The following SPMAP2L variants were observed in gnomAD, a reference collection of about 807,000 sequenced individuals.
SPMAP2L encodes the protein sperm microtubule associated protein 2 like.
the SPMAP2L span, among the ~76,000 whole-genome samples, chr4:56,555,092 A>C: frequency 4.6e-5 from 7 of 152,168 alleles, no homozygotes; most frequent in South Asian, 1.5e-3. Flanking sequence ...GGCAGGCACC[A>C]CCACGCCTGG....
the SPMAP2L span, among the ~76,000 whole-genome samples, chr4:56,540,438 G>C: frequency 6.6e-6 from 1 of 152,162 alleles, no homozygotes; most frequent in African/African-American, 2.4e-5. Context: ...AGCTACTCAG[G>C]AGGCTGAGGC....
chr4:56,574,841 G>T, the SPMAP2L span, among the ~76,000 whole-genome samples: 2 of 152,028 alleles, frequency 1.3e-5, no homozygotes, highest in African/African-American at 2.4e-5. Flanking sequence ...AAGTTGCTGG[G>T]CATAGAGGCA....
the SPMAP2L span, among the ~76,000 whole-genome samples, chr4:56,541,858 C>T: frequency 6.6e-6 from 1 of 152,020 alleles, no homozygotes; most frequent in Non-Finnish European, 1.5e-5. Flanking sequence ...CTAGGTTGCC[C>T]AGGCTGGTCT....
At chr4:56,618,856 A>G in the SPMAP2L span, among the ~76,000 whole-genome samples, 1 of 152,170 alleles carries the variant, frequency 6.6e-6, no homozygotes, top group South Asian at 2.1e-4. Context: ...AAATTGAATC[A>G]TTTGATGATA....
At chr4:56,545,881 C>T in the SPMAP2L span, among the ~76,000 whole-genome samples, 2 of 152,118 alleles carry the variant, frequency 1.3e-5, no homozygotes, top group African/African-American at 4.8e-5. Context: ...CAACTTCTGC[C>T]TCCTGGGTTC....
chr4:56,595,094 T>C, the SPMAP2L span: 1 of 1,611,186 alleles, frequency 6.2e-7, no homozygotes, highest in East Asian at 2.2e-5. Context: ...ATCTTGCCCA[T>C]TTCCTGGGCT....
chr4:56,566,954 C>T, the SPMAP2L span, among the ~76,000 whole-genome samples: 1 of 151,942 alleles, frequency 6.6e-6, no homozygotes, highest in African/African-American at 2.4e-5. Context: ...CTTGGCCTCC[C>T]AAAGTTCTAG....
At chr4:56,594,070 T>C in the SPMAP2L span, 1 of 1,609,962 alleles carries the variant, frequency 6.2e-7, no homozygotes, top group Non-Finnish European at 8.5e-7. Context: ...TTGGTATTTC[T>C]CTTGATGAAA....
the SPMAP2L span, among the ~76,000 whole-genome samples, chr4:56,586,880 G>A: frequency 1.3e-5 from 2 of 151,648 alleles, no homozygotes; most frequent in Non-Finnish European, 2.9e-5. Flanking sequence ...TCTCAATTAA[G>A]AGAAGTGTCA....
At chr4:56,565,331 A>G in the SPMAP2L span, among the ~76,000 whole-genome samples, 1 of 152,152 alleles carries the variant, frequency 6.6e-6, no homozygotes, top group Non-Finnish European at 1.5e-5. Flanking sequence ...TTTTTACTTT[A>G]TGTACTCTAA....
At chr4:56,580,065 C>T in the SPMAP2L span, among the ~76,000 whole-genome samples, 1 of 152,128 alleles carries the variant, frequency 6.6e-6, no homozygotes. Context: ...CCAACTCATT[C>T]TATGAGGACT....
the SPMAP2L span, chr4:56,575,463 A>T: frequency 6.5e-7 from 1 of 1,529,426 alleles, no homozygotes; most frequent in Non-Finnish European, 8.7e-7. Context: ...ATTTGAAATC[A>T]TGCTTGTTTC....
chr4:56,611,951 C>A, the SPMAP2L span, among the ~76,000 whole-genome samples: 2 of 152,200 alleles, frequency 1.3e-5, no homozygotes, highest in Non-Finnish European at 2.9e-5. Flanking sequence ...TCTCCCCTAA[C>A]TGCCTTTAAG....
the SPMAP2L span, chr4:56,530,835 G>C: frequency 6.5e-7 from 1 of 1,535,236 alleles, no homozygotes; most frequent in Non-Finnish European, 8.7e-7. Flanking sequence ...AGGATCCCGA[G>C]AAACACGAGA....
chr4:56,595,220 C>T, the SPMAP2L span: 1 of 1,611,454 alleles, frequency 6.2e-7, no homozygotes, highest in Non-Finnish European at 8.5e-7. Context: ...TTCAGGGGTG[C>T]AAGAGGTTAT....
the SPMAP2L span, among the ~76,000 whole-genome samples, chr4:56,544,175 G>C: frequency 6.6e-6 from 1 of 152,050 alleles, no homozygotes; most frequent in African/African-American, 2.4e-5. Flanking sequence ...TTTTTGTAGA[G>C]ATGGAATTTC....
chr4:56,579,026 T>C, the SPMAP2L span, among the ~76,000 whole-genome samples: 8 of 152,000 alleles, frequency 5.3e-5, no homozygotes, highest in African/African-American at 1.9e-4. Flanking sequence ...GACACTTCAA[T>C]ACCCCACTTT....
chr4:56,545,711 C>A, the SPMAP2L span, among the ~76,000 whole-genome samples: 1 of 129,214 alleles, frequency 7.7e-6, no homozygotes, highest in Non-Finnish European at 1.6e-5. Context: ...ACAGAGAGAC[C>A]CTGTCTCAAA....
the SPMAP2L span, among the ~76,000 whole-genome samples, chr4:56,609,358 G>A: frequency 3.9e-5 from 6 of 152,112 alleles, no homozygotes; most frequent in African/African-American, 1.2e-4. Context: ...TAATTTGAAA[G>A]CACATAACTT....
Sources: allele counts gnomAD v4.1 joint callset (sites outside exome capture counted in the v4.1 genomes callset), GRCh38; gene constraint gnomAD v4.1.1; transcripts MANE v1.5; gene names NCBI Gene and HGNC (gene_info 2026-07-23, HGNC 2026-07-21).